CTNNAL1: variants seen among roughly 807,000 people sequenced by gnomAD.
The protein encoded by CTNNAL1 is alpha-catulin.
A neutral mutation model predicts 93.6 loss-of-function variants in CTNNAL1; 69 were observed. The ratio of observed to expected loss-of-function variants is 0.74; its 90% CI spans 0.61 to 0.90. The LOEUF (loss-of-function observed/expected upper bound fraction) is 0.90. Among genes scored for constraint, CTNNAL1 ranks in the 40% least tolerant of loss-of-function variants. The probability of loss-of-function intolerance (pLI) is 0.00; values close to 1 mark genes in which losing one functional copy is unlikely to be tolerated. For missense variants in CTNNAL1, 836 were observed against 862.0 expected, an observed-to-expected ratio of 0.97 and a Z score of 0.38; for synonymous variants, 286 against 305.4, an observed-to-expected ratio of 0.94 and a Z score of 0.66.
intron 1 of CTNNAL1, among the ~76,000 whole-genome samples, chr9:109,012,197 T>G (rs1253978230): frequency 2.0e-5 from 3 of 151,738 alleles, no homozygotes; most frequent in African/African-American, 7.3e-5. Context: ...ACTGCTGTTT[T>G]CAAATATGCG....
chr9:108,975,428 G>A (rs1465106716), intron 8 of CTNNAL1, among the ~76,000 whole-genome samples: 1 of 152,098 alleles, frequency 6.6e-6, no homozygotes, highest in Non-Finnish European at 1.5e-5. Flanking sequence ...CAAGCCCAAA[G>A]CCATTTGATA....
At chr9:108,998,165 A>G (rs1832090749) in intron 2 of CTNNAL1, among the ~76,000 whole-genome samples, 1 of 152,020 alleles carries the variant, frequency 6.6e-6, no homozygotes, top group African/African-American at 2.4e-5. Flanking sequence ...CTCACGGGAC[A>G]TTTGGCAATG....
At chr9:108,970,539 T>C in intron 9 of CTNNAL1, 45 bp from the exon 10 acceptor site, 1 of 1,518,160 alleles carries the variant, frequency 6.6e-7, no homozygotes, top group Non-Finnish European at 8.9e-7. Flanking sequence ...ATCCTCATCC[T>C]CCACAATACA....
intron 14 of CTNNAL1, among the ~76,000 whole-genome samples, chr9:108,951,028 G>T (rs1222506045): frequency 3.3e-5 from 5 of 151,380 alleles, no homozygotes; most frequent in African/African-American, 2.4e-5. Context: ...ATTTATTTTT[G>T]AGATGGAGTC....
chr9:108,953,590 T>C (rs1213009076), intron 12 of CTNNAL1, among the ~76,000 whole-genome samples: 1 of 152,204 alleles, frequency 6.6e-6, no homozygotes, highest in Non-Finnish European at 1.5e-5. Flanking sequence ...AGGAAAAAGA[T>C]CTTCTCATAC....
chr9:108,980,980 T>C (rs1041208543), intron 6 of CTNNAL1, among the ~76,000 whole-genome samples: 2 of 152,190 alleles, frequency 1.3e-5, no homozygotes, highest in African/African-American at 4.8e-5. Context: ...CCATAGATTA[T>C]ACTCTCCATC....
In CTNNAL1 at chr9:108,992,839, G is replaced by T; in HGVS notation, c.332-20C>A. On this transcript the variant is annotated intron_variant, in intron 2 of 18. Transcript: ENST00000325551. ...TTTCTCCTAACAAGAAAGACGAGGG[G>T]AGAAAGTTAAACAGGCATACAAATT... 6.3e-7 allele frequency: 1 copy of T among 1,595,592 alleles called. No homozygotes were observed. Among genetic ancestry groups the T allele is most frequent in the Non-Finnish European group, 8.5e-7 (1 of 1,172,000 alleles).
intron 7 of CTNNAL1, among the ~76,000 whole-genome samples, chr9:108,977,701 G>C (rs990310813): frequency 6.6e-6 from 1 of 152,110 alleles, no homozygotes; most frequent in Admixed American, 6.6e-5. Context: ...GCAAATGGTA[G>C]GTCGTAGATA....
intron 4 of CTNNAL1, among the ~76,000 whole-genome samples, chr9:108,987,971 C>G (rs1057297440): frequency 6.6e-6 from 1 of 152,196 alleles, no homozygotes; most frequent in South Asian, 2.1e-4. Flanking sequence ...ATGTCATCTG[C>G]AAACAGGGAC....
At chr9:108,970,532 C>T in intron 9 of CTNNAL1, 38 bp from the exon 10 acceptor site, 2 of 1,560,846 alleles carry the variant, frequency 1.3e-6, no homozygotes, top group African/African-American at 1.4e-5. Context: ...CTTTCACATC[C>T]TCATCCTCCA....
chr9:108,983,232 CT>C lies in CTNNAL1; in HGVS notation c.812del (p.Lys271ArgfsTer6). The C allele has an allele frequency of 6.3e-7, 1 of 1,597,298 alleles. No homozygotes were observed. The highest frequency in any genetic ancestry group is 1.1e-5 in the South Asian group (1 of 88,314). ...TACAGTCAGTCACAATTTCAATGAC[CT>C]TATCCAATGCCACTTTCATACGGTC... ...VFDRMKVALD[K>X]VIEIVTDCKP... On this transcript the variant is annotated frameshift_variant, in exon 6 of 19. Coordinates refer to ENST00000325551, the MANE Select transcript of CTNNAL1 (RefSeq NM_003798.4). LOFTEE classifies it high-confidence loss of function.
At chr9:109,006,265 AAGCACAAC>A in intron 1 of CTNNAL1, among the ~76,000 whole-genome samples, 1 of 152,352 alleles carries the variant, frequency 6.6e-6, no homozygotes, top group African/African-American at 2.4e-5. Flanking sequence ...AACATTTGTT[AAGCACAAC>A]AGTACCAGGC....
chr9:108,955,530 T>C (rs1489439237), intron 12 of CTNNAL1, among the ~76,000 whole-genome samples: 1 of 152,248 alleles, frequency 6.6e-6, no homozygotes, highest in Admixed American at 6.5e-5. Flanking sequence ...TTTATGATGC[T>C]ATTACTGGGA....
chr9:109,005,624 C>A (rs1380961655), intron 1 of CTNNAL1, among the ~76,000 whole-genome samples: 1 of 152,160 alleles, frequency 6.6e-6, no homozygotes, highest in African/African-American at 2.4e-5. Flanking sequence ...TCTGCCTGAA[C>A]CCTGATCCTA....
intron 1 of CTNNAL1, among the ~76,000 whole-genome samples, chr9:109,012,840 C>T (rs1827248981): frequency 6.6e-6 from 1 of 152,162 alleles, no homozygotes; most frequent in South Asian, 2.1e-4. Context: ...ATACCCCAGG[C>T]GGAGGAGCCG....
At chr9:109,010,802 A>C (rs987967330) in intron 1 of CTNNAL1, among the ~76,000 whole-genome samples, 6 of 152,146 alleles carry the variant, frequency 3.9e-5, no homozygotes, top group African/African-American at 1.4e-4. Context: ...TCTACTTTAA[A>C]CCGTATAGTG....
intron 1 of CTNNAL1, among the ~76,000 whole-genome samples, chr9:109,001,328 G>T (rs914803083): frequency 2.6e-5 from 4 of 152,132 alleles, no homozygotes; most frequent in African/African-American, 9.7e-5. Flanking sequence ...CTCCGCAGTG[G>T]TTTGAAATCA....
intron 1 of CTNNAL1, 149 bp from the exon 2 acceptor site, chr9:108,999,405 A>G: frequency 1.4e-6 from 1 of 700,798 alleles, no homozygotes; most frequent in Non-Finnish European, 2.2e-6. Context: ...GACAACCAGC[A>G]AAGTATCCTG....
At chr9:108,944,438 T>C (rs1180022571) in intron 15 of CTNNAL1, among the ~76,000 whole-genome samples, 1 of 152,198 alleles carries the variant, frequency 6.6e-6, no homozygotes, top group African/African-American at 2.4e-5. Flanking sequence ...CAAGACAAAA[T>C]TTGTCACCCA....
Sources: allele counts gnomAD v4.1 joint callset (sites outside exome capture counted in the v4.1 genomes callset), GRCh38; gene constraint gnomAD v4.1.1; transcripts MANE v1.5; gene names NCBI Gene and HGNC (gene_info 2026-07-23, HGNC 2026-07-21).